Variants in MAD1L1 observed in about 807,000 individuals in gnomAD.
MAD1L1 encodes mitotic spindle assembly checkpoint protein MAD1.
MAD1L1 carries 95 observed loss-of-function variants against 96.9 expected under a neutral mutation model. That is an observed-to-expected ratio of 0.98 (90% CI 0.83 to 1.16). The LOEUF (loss-of-function observed/expected upper bound fraction) is 1.16, where lower values mean the gene tolerates loss of function less well. Among genes scored for constraint, MAD1L1 ranks in the 50% most tolerant of loss-of-function variants. The probability of loss-of-function intolerance (pLI) is 0.00; values close to 1 mark genes in which losing one functional copy is unlikely to be tolerated. For synonymous variants in MAD1L1, 473 were observed against 396.6 expected (o/e 1.19, Z -2.29); for missense variants, 1,007 against 954.4 (o/e 1.06, Z -0.73).
intron 10 of MAD1L1, among the ~76,000 whole-genome samples, chr7:2,165,602 G>A (rs553249375): frequency 6.0e-5 from 9 of 151,020 alleles, no homozygotes; most frequent in Admixed American, 2.0e-4. Flanking sequence ...CAGGGGAGAG[G>A]GGACTCTGCG....
At chr7:1,987,684 C>T (rs1475812392) in intron 14 of MAD1L1, among the ~76,000 whole-genome samples, 2 of 152,214 alleles carry the variant, frequency 1.3e-5, no homozygotes, top group South Asian at 2.1e-4. Context: ...GGGCCACGGC[C>T]GCCCGGCAGC....
intron 10 of MAD1L1, among the ~76,000 whole-genome samples, chr7:2,173,990 G>A (rs770868130): frequency 6.6e-6 from 1 of 152,048 alleles, no homozygotes; most frequent in Non-Finnish European, 1.5e-5. Context: ...TGTTGCTGTT[G>A]TTGGACAGAT....
chr7:1,964,499 G>A (rs1047437376), intron 15 of MAD1L1, among the ~76,000 whole-genome samples: 1 of 152,216 alleles, frequency 6.6e-6, no homozygotes, highest in Non-Finnish European at 1.5e-5. Flanking sequence ...CGCACAGAGA[G>A]CGAGAAAGAG....
chr7:2,014,520 G>A lies in MAD1L1; in HGVS notation c.1341C>T (p.Ser447=). 6.2e-7 allele frequency: 1 copy of A among 1,602,366 alleles called. No individual in the cohort carries two copies. Among genetic ancestry groups the A allele is most frequent in the Non-Finnish European group, 8.5e-7 (1 of 1,177,056 alleles). ...CCCTCACCTCCATCTCGGCGCTGTGGCTGTGCACCTTCTGCACCATATCCT... is the reference window on the plus strand; with the variant it reads ...CCCTCACCTCCATCTCGGCGCTGTGACTGTGCACCTTCTGCACCATATCCT... The part of the protein sequence containing the change: ...EAEDMVQKVH[S]HSAEMEAQLS... The change falls in exon 13 of 19, where the codon AGC becomes AGT. Residue 447 remains serine (S), a synonymous_variant. Transcript: ENST00000265854.
At chr7:2,058,875 G>A (rs1485826076) in intron 12 of MAD1L1, among the ~76,000 whole-genome samples, 31 of 71,444 alleles carry the variant, frequency 4.3e-4, no homozygotes, top group South Asian at 8.0e-4. Flanking sequence ...GAGGAGAGGC[G>A]CGGGGCTAGA....
intron 17 of MAD1L1, among the ~76,000 whole-genome samples, chr7:1,929,209 T>C (rs1056519643): frequency 6.6e-6 from 1 of 151,944 alleles, no homozygotes; most frequent in African/African-American, 2.4e-5. Context: ...CTCCCTGGTA[T>C]CTCTTCTCCC....
At chr7:1,928,249 C>T (rs1046748030) in intron 17 of MAD1L1, among the ~76,000 whole-genome samples, 2 of 150,540 alleles carry the variant, frequency 1.3e-5, no homozygotes, top group African/African-American at 2.5e-5. Context: ...GACACTGCTC[C>T]CCACCACCCG....
intron 17 of MAD1L1, among the ~76,000 whole-genome samples, chr7:1,907,824 C>T (rs1427858367): frequency 6.6e-6 from 1 of 152,266 alleles, no homozygotes; most frequent in South Asian, 2.1e-4. Flanking sequence ...GGCGCGGGAT[C>T]TGAGTGGCGG....
chr7:1,932,274 C>T (rs1049276757), intron 17 of MAD1L1, among the ~76,000 whole-genome samples: 2 of 152,254 alleles, frequency 1.3e-5, no homozygotes, highest in Non-Finnish European at 2.9e-5. Context: ...TGTTCTGGCC[C>T]CTGCCGGCTG....
intron 10 of MAD1L1, among the ~76,000 whole-genome samples, chr7:2,193,630 T>G (rs1791834833): frequency 6.6e-6 from 1 of 152,248 alleles, no homozygotes; most frequent in Non-Finnish European, 1.5e-5. Context: ...GGAGCAAATT[T>G]ATAAGGGTTT....
At chr7:2,081,700 C>T (rs1312860829) in intron 11 of MAD1L1, among the ~76,000 whole-genome samples, 2 of 152,244 alleles carry the variant, frequency 1.3e-5, no homozygotes, top group African/African-American at 4.8e-5. Context: ...CCCCCGTGGT[C>T]GGCGGAGCAC....
intron 12 of MAD1L1, among the ~76,000 whole-genome samples, chr7:2,058,624 G>A (rs1352954766): frequency 2.1e-5 from 2 of 95,336 alleles, no homozygotes; most frequent in African/African-American, 8.6e-5. Flanking sequence ...GTGGGAGTGT[G>A]GCCAGGGGAG....
At chr7:1,833,656 T>C (rs955163159) in intron 18 of MAD1L1, among the ~76,000 whole-genome samples, 14 of 152,136 alleles carry the variant, frequency 9.2e-5, no homozygotes, top group Non-Finnish European at 1.6e-4. Context: ...TTTCAAGAAA[T>C]GTGACCAGAT....
intron 10 of MAD1L1, among the ~76,000 whole-genome samples, chr7:2,176,357 A>G (rs951155889): frequency 2.6e-5 from 4 of 152,220 alleles, no homozygotes; most frequent in Admixed American, 6.5e-5. Flanking sequence ...CAGGAAAAAA[A>G]TAAATAAATA....
At chr7:2,085,422 C>T (rs1785865937) in intron 11 of MAD1L1, among the ~76,000 whole-genome samples, 1 of 152,254 alleles carries the variant, frequency 6.6e-6, no homozygotes, top group African/African-American at 2.4e-5. Flanking sequence ...CCTGCAGCCG[C>T]CATTGCCTCT....
At chr7:2,081,451 G>A (rs1415558056) in intron 11 of MAD1L1, among the ~76,000 whole-genome samples, 2 of 152,244 alleles carry the variant, frequency 1.3e-5, no homozygotes, top group Non-Finnish European at 2.9e-5. Flanking sequence ...GGAAACCTCA[G>A]GACACATCTC....
intron 14 of MAD1L1, among the ~76,000 whole-genome samples, chr7:2,001,487 G>T (rs970717432): frequency 6.6e-6 from 1 of 152,262 alleles, no homozygotes; most frequent in Non-Finnish European, 1.5e-5. Flanking sequence ...GGCCCACACT[G>T]CGGGCCCCCC....
At chr7:1,849,416 G>C (rs958220343) in intron 18 of MAD1L1, 5 of 152,236 alleles carry the variant, frequency 3.3e-5, no homozygotes, top group Non-Finnish European at 7.3e-5. Flanking sequence ...GTCTTAGCCG[G>C]GTGAAGCTTT....
intron 11 of MAD1L1, among the ~76,000 whole-genome samples, chr7:2,076,957 G>A (rs149641106): frequency 7.5e-4 from 112 of 149,700 alleles, no homozygotes; most frequent in African/African-American, 2.5e-3. Flanking sequence ...GTGAGCCCGC[G>A]GCACGGTGAG....
Sources: gnomAD v4.1 joint callset for allele counts (sites outside exome capture counted in the v4.1 genomes callset) on GRCh38, gnomAD v4.1.1 for gene constraint, MANE v1.5 for transcripts, NCBI Gene and HGNC (gene_info 2026-07-23, HGNC 2026-07-21) for gene names.